The following MS4A14 variants were observed in gnomAD, a reference collection of about 807,000 sequenced individuals.
MS4A14 encodes the protein membrane spanning 4-domains A14.
Under a neutral mutation model 16.7 loss-of-function variants are expected in MS4A14, and 18 were observed. That is an observed-to-expected ratio of 1.08 (90% CI 0.75 to 1.60). The LOEUF (loss-of-function observed/expected upper bound fraction) is 1.60, where lower values mean the gene tolerates loss of function less well. Among genes scored for constraint, MS4A14 ranks in the 40% most tolerant of loss-of-function variants. The probability of loss-of-function intolerance (pLI) is 0.00; values close to 1 mark genes in which losing one functional copy is unlikely to be tolerated. For synonymous variants in MS4A14, 305 were observed against 289.4 expected, an observed-to-expected ratio of 1.05 and a Z score of -0.55; for missense variants, 812 against 775.3, an observed-to-expected ratio of 1.05 and a Z score of -0.56.
chr11:60,405,611 G>T (rs977772621), intron 4 of MS4A14, among the ~76,000 whole-genome samples: 1 of 152,170 alleles, frequency 6.6e-6, no homozygotes, highest in Non-Finnish European at 1.5e-5. Flanking sequence ...CAATTGGCTG[G>T]AATTGAGTAA....
Position 60,415,815 on chromosome 11 carries a change from AT to A in MS4A14, c.849del (p.Ile283MetfsTer28). On this transcript the variant is annotated frameshift_variant, in exon 5 of 5. Coordinates refer to ENST00000300187, the MANE Select transcript of MS4A14 (RefSeq NM_032597.5). LOFTEE classifies it low-confidence loss of function (END_TRUNC). Reference protein sequence around the residue: ...QMKDEDLQSAIVQPSQMQTKL... With the variant: ...QMKDEDLQSAXVQPSQMQTKL... ...GAAAGATGAAGATCTACAATCTGCTATTGTACAACCTTCTCAAATGCAAACC... is the reference window on the plus strand; with the variant it reads ...GAAAGATGAAGATCTACAATCTGCTATGTACAACCTTCTCAAATGCAAACC... 6.2e-7 allele frequency: 1 copy of A among 1,613,856 alleles called. No homozygotes were observed. The highest frequency in any genetic ancestry group is 8.5e-7 in the Non-Finnish European group (1 of 1,179,858).
chr11:60,406,218 C>T (rs1006505469), intron 4 of MS4A14, among the ~76,000 whole-genome samples: 6 of 152,182 alleles, frequency 3.9e-5, no homozygotes, highest in Admixed American at 3.9e-4. Context: ...TATACTCAGT[C>T]ATCTCTGTTA....
Position 60,416,438 on chromosome 11 carries a change from G to T in MS4A14, c.1470G>T (p.Gln490His). 1 of 1,613,922 alleles carries T rather than the reference G, an allele frequency of 6.2e-7. No homozygotes were observed. Among genetic ancestry groups the T allele is most frequent in the Non-Finnish European group, 8.5e-7 (1 of 1,179,932 alleles). The part of the protein sequence containing the change: ...RKSSRRHSLN[Q>H]QTKALQYLRR... The stretch of plus-strand genomic sequence containing the variant: ...CCTCAAGACGGCATTCCTTAAACCA[G>T]CAAACCAAAGCCTTGCAATACTTAA... Residue 490 changes from glutamine (Q) to histidine (H), a missense_variant, in exon 5 of 5, where the codon CAG becomes CAT. Coordinates refer to ENST00000300187, the MANE Select transcript of MS4A14 (RefSeq NM_032597.5).
intron 2 of MS4A14, 34 bp from the exon 3 acceptor site, chr11:60,400,370 A>T: frequency 6.8e-7 from 1 of 1,471,408 alleles, no homozygotes. Context: ...CAAACACATC[A>T]CCTGTTAACT....
intron 4 of MS4A14, among the ~76,000 whole-genome samples, chr11:60,414,805 G>A (rs1260761383): frequency 6.6e-6 from 1 of 151,956 alleles, no homozygotes; most frequent in Non-Finnish European, 1.5e-5. Flanking sequence ...CTTCTACCTG[G>A]ATTCTGACTC....
At chr11:60,407,910 T>G (rs1479092171) in intron 4 of MS4A14, among the ~76,000 whole-genome samples, 1 of 152,200 alleles carries the variant, frequency 6.6e-6, no homozygotes, top group Non-Finnish European at 1.5e-5. Context: ...CCATTTATCA[T>G]TTTTGCTTTT....
chr11:60,405,920 T>C (rs1000478275), intron 4 of MS4A14: 2 of 1,535,160 alleles, frequency 1.3e-6, no homozygotes, highest in Non-Finnish European at 1.7e-6. Context: ...ATCATCAGCA[T>C]AGCAGAGCTC....
Position 60,410,465 on chromosome 11 carries a change from TC to T in MS4A14, c.469-4971del, listed in dbSNP as rs2085851664. Among the ~76,000 whole-genome samples the T allele has an allele frequency of 5.3e-4, 4 of 7,558 alleles. No homozygotes were observed. In the Admixed American group the frequency reaches 8.6e-3, roughly 16 times the overall value. 5.0% of individuals were successfully genotyped at this position (7,558 alleles called of 152,430 possible). On this transcript the variant is annotated intron_variant, in intron 4 of 4. Coordinates refer to ENST00000300187, the MANE Select transcript of MS4A14 (RefSeq NM_032597.5). ...AAAGTTCTTTATGAAGTATAATTAA[TC>T]TATTATTTTGTTGTTTTCTGTGCCT... is the stretch of plus-strand genomic sequence containing the variant.
chr11:60,399,603 T>C lies in MS4A14; in HGVS notation c.268-801T>C, dbSNP rs145793422. Among the ~76,000 whole-genome samples the C allele has an allele frequency of 7.0e-4, 106 of 152,276 alleles. 1 individual carries two copies. Among genetic ancestry groups the C allele is most frequent in the African/African-American group, 2.4e-3 (101 of 41,566 alleles). On this transcript the variant is annotated intron_variant, in intron 2 of 4. Coordinates refer to ENST00000300187, the MANE Select transcript of MS4A14 (RefSeq NM_032597.5). ...TTAGAGTGAGAAATTAATTCAATTA[T>C]AACAGTAAACCTAGGAGAATCCAAT...
intron 1 of MS4A14, 23 bp downstream of exon 1, chr11:60,396,739 G>A (rs1187098107): frequency 2.5e-6 from 4 of 1,606,054 alleles, no homozygotes; most frequent in South Asian, 1.1e-5. Context: ...CAGTCAATAG[G>A]TCTTCCAGAA....
At chr11:60,408,485 G>C (rs1003515329) in intron 4 of MS4A14, among the ~76,000 whole-genome samples, 47 of 151,986 alleles carry the variant, frequency 3.1e-4, no homozygotes, top group African/African-American at 1.1e-3. Context: ...ATTGCCCCTG[G>C]TACCCTCTAT....
chr11:60,396,914 T>A (rs1383713298), intron 1 of MS4A14, among the ~76,000 whole-genome samples, 198 bp downstream of exon 1: 2 of 152,152 alleles, frequency 1.3e-5, no homozygotes, highest in African/African-American at 2.4e-5. Context: ...TATAACTTTT[T>A]AAAATATCTC....
intron 4 of MS4A14, chr11:60,405,740 T>C (rs1398354705): frequency 3.7e-6 from 2 of 547,286 alleles, no homozygotes; most frequent in Admixed American, 3.3e-5. Context: ...AGACACAAGA[T>C]GAAAATTGTG....
intron 4 of MS4A14, among the ~76,000 whole-genome samples, chr11:60,407,203 T>C (rs2085801193): frequency 6.6e-6 from 1 of 151,882 alleles, no homozygotes; most frequent in Non-Finnish European, 1.5e-5. Flanking sequence ...ATTTTTTTTG[T>C]AGAAATAGGG....
intron 4 of MS4A14, among the ~76,000 whole-genome samples, chr11:60,404,132 G>A (rs147398116): frequency 5.3e-4 from 81 of 152,294 alleles, no homozygotes; most frequent in Admixed American, 3.8e-3. Flanking sequence ...TGTTATGTTC[G>A]TATATACGAG....
In MS4A14 at chr11:60,416,160, C is replaced by T. The variant is rs991259164; in HGVS notation, c.1192C>T (p.Gln398Ter). 1.9e-6 allele frequency: 3 copies of T among 1,613,166 alleles called. No individual in the cohort carries two copies. Among genetic ancestry groups the T allele is most frequent in the South Asian group, 2.2e-5 (2 of 91,004 alleles). Residue 398 changes from glutamine to a stop codon, truncating the protein, a stop_gained, in exon 5 of 5, where the codon CAA (glutamine) becomes TAA (stop). Transcript: ENST00000300187. LOFTEE classifies it low-confidence loss of function (END_TRUNC). ...CACACCATCCCACGCCATGCCACCT[C>T]AAGACATACCTTCCCAAGATATGCT... ...QDTPSHAMPPQDIPSQDMLSQ... is the reference protein window; with the variant it reads ...QDTPSHAMPP
At chr11:60,408,763 A>G (rs958025021) in intron 4 of MS4A14, among the ~76,000 whole-genome samples, 4 of 152,210 alleles carry the variant, frequency 2.6e-5, no homozygotes, top group African/African-American at 9.7e-5. Context: ...TGTTACGAAC[A>G]TTGGTGTAAA....
rs778119281 is a variant in MS4A14, at chr11:60,416,770, C to A, written c.1802C>A (p.Thr601Asn). ...TDKEQNSKKQ[T>N]QDQQTEDQPA... is the part of the protein sequence containing the mutation. ...AAGGAGCAAAACTCAAAGAAGCAAA[C>A]CCAGGATCAGCAAACTGAAGACCAG... The change falls in exon 5 of 5, where the codon ACC becomes AAC. Residue 601 changes from threonine (T) to asparagine (N), a missense_variant. Transcript: ENST00000300187. 6 of 1,613,544 alleles carry A rather than the reference C, an allele frequency of 3.7e-6. No individual in the cohort carries two copies. Among genetic ancestry groups the A allele is most frequent in the Non-Finnish European group, 4.2e-6 (5 of 1,179,818 alleles).
intron 4 of MS4A14, chr11:60,405,940 G>A: frequency 6.5e-7 from 1 of 1,534,254 alleles, no homozygotes; most frequent in Admixed American, 2.0e-5. Flanking sequence ...CAGCATCTCT[G>A]TGACTATTGC....
Sources: allele counts gnomAD v4.1 joint callset (sites outside exome capture counted in the v4.1 genomes callset), GRCh38; gene constraint gnomAD v4.1.1; transcripts MANE v1.5; gene names NCBI Gene and HGNC (gene_info 2026-07-23, HGNC 2026-07-21).